The following PRDM2 variants were observed in gnomAD, a reference collection of about 807,000 sequenced individuals.
PRDM2 encodes PR/SET domain 2, also known as PR domain zinc finger protein 2.
A neutral mutation model predicts 130.0 loss-of-function variants in PRDM2; 30 were observed. The ratio of observed to expected loss-of-function variants is 0.23; its 90% CI spans 0.17 to 0.31. The LOEUF (loss-of-function observed/expected upper bound fraction) is 0.31, where lower values mean the gene tolerates loss of function less well. PRDM2 is among the 10% of genes least tolerant of loss of function. PRDM2 has a pLI of 1.00. For synonymous variants in PRDM2, 871 were observed against 782.4 expected, an observed-to-expected ratio of 1.11 and a Z score of -1.89; for missense variants, 2,011 against 2,108.4, an observed-to-expected ratio of 0.95 and a Z score of 0.90.
intron 8 of PRDM2, chr1:13,787,057 T>G (rs1020429495): frequency 1.1e-5 from 11 of 985,422 alleles, no homozygotes; most frequent in Non-Finnish European, 1.2e-5. Flanking sequence ...ATTTCTTTTT[T>G]TTGTTGTTTT....
At chr1:13,797,928 TTTTCC>T (rs572027599) in intron 8 of PRDM2, among the ~76,000 whole-genome samples, 15 of 152,206 alleles carry the variant, frequency 9.9e-5, no homozygotes, top group Admixed American at 1.3e-4. Context: ...TTTTAAATTC[TTTTCC>T]TTTGCTTGTT....
In PRDM2 at chr1:13,741,996, A is replaced by G; in HGVS notation, c.232-9A>G. ...TAACAAAAGTTTTTTACTTTTCTCCATTTTCAAGGTGTATTACCCAAATTT... is the reference window on the plus strand; with the variant it reads ...TAACAAAAGTTTTTTACTTTTCTCCGTTTTCAAGGTGTATTACCCAAATTT... On this transcript the variant is annotated splice_polypyrimidine_tract_variant and intron_variant, in intron 4 of 9. Transcript: ENST00000311066. 6.6e-7 allele frequency: 1 copy of G among 1,523,002 alleles called. No individual in the cohort carries two copies. The allele number at this position is 1,523,002 out of a possible 1,614,324, so 94.3% of individuals were successfully genotyped here.
Position 13,781,453 on chromosome 1 carries a change from A to G in PRDM2, c.3658A>G (p.Thr1220Ala). ...AGATCTCCACCCAGATAAGGTGTGC[A>G]CACATCACGAGTTTGAAAGCGGGAC... The part of the protein sequence containing the change: ...QRDLHPDKVC[T>A]HHEFESGTLR... Residue 1220 changes from threonine to alanine, a missense_variant, in exon 8 of 10, where the codon ACA becomes GCA. Around this residue, in one of 5 missense-constraint regions of PRDM2, gnomAD observed 229 missense variants for 364.1 expected, o/e 0.63. Coordinates refer to ENST00000311066, the MANE Select transcript of PRDM2 (RefSeq NM_001393986.1). This position sits in a 1 kb window ranked among gnomAD's most constrained non-coding sequence, Gnocchi z 6.1. 1.2e-6 allele frequency: 2 copies of G among 1,613,998 alleles called. No individual in the cohort carries two copies. Among genetic ancestry groups the G allele is most frequent in the Non-Finnish European group, 1.7e-6 (2 of 1,180,012 alleles).
Position 13,779,149 on chromosome 1 carries a change from G to C in PRDM2, c.1354G>C (p.Gly452Arg). 6.2e-7 allele frequency: 1 copy of C among 1,614,156 alleles called. No homozygotes were observed. The highest frequency in any genetic ancestry group is 8.5e-7 in the Non-Finnish European group (1 of 1,180,038). The change falls in exon 8 of 10, where the codon GGG becomes CGG. Residue 452 changes from glycine to arginine, a missense_variant. Physicochemically the swap from Gly to Arg is moderately radical, Grantham distance 125 (BLOSUM62 -2). Around this residue, in one of 5 missense-constraint regions of PRDM2, gnomAD observed 1,288 missense variants for 1,237.7 expected, o/e 1.04. Coordinates refer to ENST00000311066, the MANE Select transcript of PRDM2 (RefSeq NM_001393986.1). The surrounding 1 kb of genome is among the most constrained non-coding windows in gnomAD (Gnocchi z 4.9). ...SKDDSSPPSL[G>R]PDCLIMNSEK... ...AGATGATTCGAGTCCTCCCAGTCTT[G>C]GGCCAGACTGTCTGATCATGAATTC...
rs181698672 is a variant in PRDM2, at chr1:13,715,726, G to A, written c.9+112G>A. The A allele has an allele frequency of 1.4e-3, 1,375 of 975,236 alleles. 1 individual carries two copies. Among genetic ancestry groups the A allele is most frequent in the Non-Finnish European group, 1.6e-3 (1,063 of 665,922 alleles). 60.4% of individuals were successfully genotyped at this position (975,236 alleles called of 1,614,324 possible). On this transcript the variant is annotated intron_variant, in intron 2 of 9. Coordinates refer to ENST00000311066, the MANE Select transcript of PRDM2 (RefSeq NM_001393986.1). ...TCATTTCTCCTGGATTCTCATTTTTGTTTCTTAATACCATTAATTAGTTCA... is the reference window on the plus strand; with the variant it reads ...TCATTTCTCCTGGATTCTCATTTTTATTTCTTAATACCATTAATTAGTTCA...
At chr1:13,810,470 G>C (rs753022025) in intron 8 of PRDM2, among the ~76,000 whole-genome samples, 3 of 148,958 alleles carry the variant, frequency 2.0e-5, no homozygotes, top group Non-Finnish European at 3.0e-5. Flanking sequence ...TGCACTGAAC[G>C]TGAAAGCTTG....
chr1:13,769,880 C>A (rs1644318389), intron 6 of PRDM2, among the ~76,000 whole-genome samples: 1 of 152,132 alleles, frequency 6.6e-6, no homozygotes, highest in African/African-American at 2.4e-5. Context: ...GAAATCTTCT[C>A]CCCAGGGGAC....
chr1:13,741,909 A>G (rs1456424475), intron 4 of PRDM2, 96 bp from the exon 5 acceptor site: 2 of 994,284 alleles, frequency 2.0e-6, no homozygotes, highest in Non-Finnish European at 3.0e-6. Flanking sequence ...GTACTTGCAT[A>G]TAATGAAAAA....
In PRDM2 at chr1:13,782,691, A is replaced by C. The variant is rs778174761; in HGVS notation, c.4896A>C (p.Lys1632Asn). Residue 1632 changes from lysine to asparagine, a missense_variant, in exon 8 of 10, where the codon AAA (lysine) becomes AAC (asparagine). Physicochemically the swap from Lys to Asn is moderately conservative, Grantham distance 94. Coordinates refer to ENST00000311066, the MANE Select transcript of PRDM2 (RefSeq NM_001393986.1). ...LQSKSTLASKKRTDRFNIKSR... is the reference protein window; with the variant it reads ...LQSKSTLASKNRTDRFNIKSR... ...GCAAATCCACCTTGGCGAGTAAGAA[A>C]AGAACAGACCGGTTCAATATAAAAT... The C allele has an allele frequency of 1.9e-6, 3 of 1,614,170 alleles. No individual in the cohort carries two copies. The highest frequency in any genetic ancestry group is 1.1e-5 in the South Asian group (1 of 91,082).
intron 2 of PRDM2, among the ~76,000 whole-genome samples, chr1:13,727,216 G>A (rs1460841681): frequency 6.6e-6 from 1 of 151,888 alleles, no homozygotes; most frequent in Non-Finnish European, 1.5e-5. Context: ...TTCTAGAGAG[G>A]CCTCAGCATT....
At chr1:13,744,439 C>T (rs116252893) in intron 5 of PRDM2, among the ~76,000 whole-genome samples, 1 of 152,128 alleles carries the variant, frequency 6.6e-6, no homozygotes, top group African/African-American at 2.4e-5. Flanking sequence ...AGTGCTTATA[C>T]ATGATTGTTG....
At chr1:13,777,954 G>C (rs1393623984) in intron 7 of PRDM2, among the ~76,000 whole-genome samples, 1 of 152,078 alleles carries the variant, frequency 6.6e-6, no homozygotes, top group Non-Finnish European at 1.5e-5. Flanking sequence ...ACTCCAGACA[G>C]ACTTCCAAGG....
chr1:13,792,374 A>T (rs549352697), intron 8 of PRDM2, among the ~76,000 whole-genome samples: 5 of 152,372 alleles, frequency 3.3e-5, no homozygotes, highest in African/African-American at 1.2e-4. Flanking sequence ...TTCAGTGTAC[A>T]GCAGTTGAAT....
intron 4 of PRDM2, among the ~76,000 whole-genome samples, 179 bp from the exon 5 acceptor site, chr1:13,741,826 G>A (rs1440976042): frequency 2.0e-5 from 3 of 149,482 alleles, no homozygotes; most frequent in Non-Finnish European, 3.0e-5. Context: ...TTACAGTTTC[G>A]AATTTCAGTT....
chr1:13,712,092 C>T (rs930583531), intron 1 of PRDM2, among the ~76,000 whole-genome samples: 6 of 147,848 alleles, frequency 4.1e-5, no homozygotes, highest in Middle Eastern at 7.1e-3. Context: ...GGCATGGTGG[C>T]GCGAGCCTGT....
chr1:13,813,301 G>C (rs905091791), intron 8 of PRDM2, among the ~76,000 whole-genome samples: 1 of 152,170 alleles, frequency 6.6e-6, no homozygotes, highest in Non-Finnish European at 1.5e-5. Flanking sequence ...ACTGTGCCCT[G>C]GAGAAGCACC....
At chr1:13,715,355 A>G (rs1256956882) in intron 1 of PRDM2, among the ~76,000 whole-genome samples, 186 bp from the exon 2 acceptor site, 1 of 152,246 alleles carries the variant, frequency 6.6e-6, no homozygotes, top group Non-Finnish European at 1.5e-5. Context: ...AAAGAGTAGT[A>G]AGAAATCTAT....
chr1:13,745,976 C>T (rs796349536), intron 5 of PRDM2, among the ~76,000 whole-genome samples: 32 of 152,270 alleles, frequency 2.1e-4, no homozygotes, highest in African/African-American at 7.7e-4. Flanking sequence ...TGGAATACTT[C>T]TCTAATTTTC....
chr1:13,758,446 C>CA (rs373553025), intron 6 of PRDM2, among the ~76,000 whole-genome samples: 3,477 of 73,644 alleles, frequency 0.047, 51 homozygotes, highest in Admixed American at 0.09. Flanking sequence ...GACTTTGTCT[C>CA]AAAAAAAAAA....
Sources: allele counts gnomAD v4.1 joint callset (sites outside exome capture counted in the v4.1 genomes callset), GRCh38; gene constraint gnomAD v4.1.1; regional missense constraint gnomAD v4.1.1; non-coding constraint Gnocchi (gnomAD v3.1); transcripts MANE v1.5; gene names NCBI Gene and HGNC (gene_info 2026-07-23, HGNC 2026-07-21).